The following RERE variants were observed in gnomAD, a reference collection of about 807,000 sequenced individuals.
The protein encoded by RERE is arginine-glutamic acid dipeptide repeats.
RERE carries 40 observed loss-of-function variants against 146.1 expected under a neutral mutation model. That is an observed-to-expected ratio of 0.27 (90% CI 0.21 to 0.36). The LOEUF (loss-of-function observed/expected upper bound fraction) is 0.36, where lower values mean the gene tolerates loss of function less well. Among genes scored for constraint, RERE ranks in the 10% least tolerant of loss-of-function variants. The pLI is 1.00. For synonymous variants in RERE, 1,003 were observed against 866.0 expected, an observed-to-expected ratio of 1.16 and a Z score of -2.78; for missense variants, 1,933 against 2,138.7, an observed-to-expected ratio of 0.90 and a Z score of 1.90.
rs1239778811 is a variant in RERE, at chr1:8,361,180, T to G, written c.2327A>C (p.Gln776Pro). The G allele has an allele frequency of 1.4e-6, 2 of 1,466,530 alleles. No individual in the cohort carries two copies. The highest frequency in any genetic ancestry group is 1.8e-6 in the Non-Finnish European group (2 of 1,115,216). 90.8% of individuals were successfully genotyped at this position (1,466,530 alleles called of 1,614,324 possible). ...GGCCTGGGAGGCCGTGGGGGAGCCCTGTGGGGGAACTGCAGTGGCAGAGGG... is the reference window on the plus strand; with the variant it reads ...GGCCTGGGAGGCCGTGGGGGAGCCCGGTGGGGGAACTGCAGTGGCAGAGGG... ...PTPSATAVPP[Q>P]GSPTASQAPN... The change falls in exon 18 of 23, where the codon CAG becomes CCG. Residue 776 changes from glutamine to proline, a missense_variant. Physicochemically the swap from Gln to Pro is moderately conservative, Grantham distance 76. Transcript: ENST00000400908.
chr1:8,503,318 G>C (rs929389243), intron 8 of RERE, among the ~76,000 whole-genome samples: 1 of 152,104 alleles, frequency 6.6e-6, no homozygotes, highest in Non-Finnish European at 1.5e-5. Flanking sequence ...GGGGAATGTG[G>C]CAAAACCCCC....
intron 11 of RERE, among the ~76,000 whole-genome samples, chr1:8,426,530 C>T (rs1288421999): frequency 6.6e-6 from 1 of 151,994 alleles, no homozygotes; most frequent in Non-Finnish European, 1.5e-5. Context: ...AGACCTTTAT[C>T]TCTCTTTCCT....
intron 8 of RERE, among the ~76,000 whole-genome samples, chr1:8,501,785 A>G (rs1645163125): frequency 1.8e-5 from 2 of 112,630 alleles, no homozygotes. Flanking sequence ...CCGCCTGGCC[A>G]GCCGCCCCGA....
chr1:8,494,343 G>A (rs1043577354), intron 10 of RERE, among the ~76,000 whole-genome samples: 23 of 152,084 alleles, frequency 1.5e-4, no homozygotes, highest in African/African-American at 5.1e-4. Context: ...ACAAAAACAC[G>A]GCTTCTAGAT....
chr1:8,448,856 T>C lies in RERE; in HGVS notation c.1203+17069A>G, dbSNP rs552989909. On this transcript the variant is annotated intron_variant, in intron 11 of 22. Coordinates refer to ENST00000400908, the MANE Select transcript of RERE (RefSeq NM_001042681.2). ...ACAATCAATCAAACAAACAAACAAA[T>C]AAACAAACAAAAAAAAAAAAGGAAG... is the stretch of plus-strand genomic sequence containing the variant. Among the ~76,000 whole-genome samples, 277 of 142,462 alleles carry C rather than the reference T, an allele frequency of 1.9e-3. 1 individual carries two copies. The highest frequency in any genetic ancestry group is 0.01 in the South Asian group (46 of 4,470). 93.5% of individuals were successfully genotyped at this position (142,462 alleles called of 152,430 possible).
intron 1 of RERE, among the ~76,000 whole-genome samples, chr1:8,759,838 TACACACACACAC>T (rs369646175): frequency 4.0e-4 from 57 of 142,318 alleles, no homozygotes; most frequent in African/African-American, 1.2e-3. Flanking sequence ...ACTCTCTCTA[TACACACACACAC>T]ACACACACAC....
At chr1:8,481,842 A>C (rs1416883406) in intron 10 of RERE, among the ~76,000 whole-genome samples, 1 of 152,226 alleles carries the variant, frequency 6.6e-6, no homozygotes, top group Non-Finnish European at 1.5e-5. Flanking sequence ...GAATGTGATG[A>C]GCAGACATTC....
chr1:8,483,745 C>T (rs1644863909), intron 10 of RERE, among the ~76,000 whole-genome samples: 1 of 152,110 alleles, frequency 6.6e-6, no homozygotes, highest in Admixed American at 6.6e-5. Flanking sequence ...ACTATGAAGC[C>T]ACTGGGAGCC....
chr1:8,608,999 C>A (rs1646757286), intron 4 of RERE, among the ~76,000 whole-genome samples: 1 of 152,010 alleles, frequency 6.6e-6, no homozygotes, highest in Admixed American at 6.6e-5. Context: ...CAGGAGATCA[C>A]CTGAGGTCAG....
At chr1:8,765,987 C>T (rs1332007946) in intron 1 of RERE, among the ~76,000 whole-genome samples, 2 of 151,882 alleles carry the variant, frequency 1.3e-5, no homozygotes, top group Non-Finnish European at 2.9e-5. Flanking sequence ...CTGGTGCATG[C>T]CTGTAATCCT....
intron 1 of RERE, among the ~76,000 whole-genome samples, chr1:8,801,741 A>G (rs1341443703): frequency 6.6e-6 from 1 of 152,228 alleles, no homozygotes; most frequent in Non-Finnish European, 1.5e-5. Context: ...TACAGCTTTC[A>G]AAATAAAAAG....
At chr1:8,556,009 T>C (rs1646002749) in intron 6 of RERE, among the ~76,000 whole-genome samples, 1 of 152,166 alleles carries the variant, frequency 6.6e-6, no homozygotes, top group African/African-American at 2.4e-5. Context: ...CACGCTGCCA[T>C]ATCTGCTTCA....
chr1:8,437,180 C>T (rs554026928), intron 11 of RERE, among the ~76,000 whole-genome samples: 1 of 152,294 alleles, frequency 6.6e-6, no homozygotes, highest in African/African-American at 2.4e-5. Context: ...CTGAAGACCT[C>T]GACCAGCACC....
At chr1:8,621,013 G>A (rs963069263) in intron 3 of RERE, among the ~76,000 whole-genome samples, 1 of 151,898 alleles carries the variant, frequency 6.6e-6, no homozygotes, top group African/African-American at 2.4e-5. Context: ...TGGAAGTGTG[G>A]GCTCGAAATA....
intron 5 of RERE, among the ~76,000 whole-genome samples, chr1:8,556,948 C>G (rs780396743): frequency 6.6e-6 from 1 of 151,514 alleles, no homozygotes; most frequent in Non-Finnish European, 1.5e-5. Context: ...ATGGAGTGAA[C>G]TTACACAGTT....
rs754057677 is a variant in RERE at position 8,355,532 on chromosome 1, C to T, written c.4554G>A (p.Gln1518=). 26 of 1,608,360 alleles carry T rather than the reference C, an allele frequency of 1.6e-5. No homozygotes were observed. Among genetic ancestry groups the T allele is most frequent in the Non-Finnish European group, 2.0e-5 (24 of 1,177,102 alleles). The part of the protein sequence containing the change: ...PPPMSAAHQL[Q]AMHAQSAELQ... ...GCTCGGCCGACTGGGCATGCATGGCCTGCAGCTGGTGGGCTGCTGACATGG... is the reference window on the plus strand; with the variant it reads ...GCTCGGCCGACTGGGCATGCATGGCTTGCAGCTGGTGGGCTGCTGACATGG... Residue 1518 remains glutamine, a synonymous_variant, in exon 22 of 23, where the codon CAG becomes CAA. Coordinates refer to ENST00000400908, the MANE Select transcript of RERE (RefSeq NM_001042681.2).
At chr1:8,803,242 C>T (rs1320332185) in intron 1 of RERE, among the ~76,000 whole-genome samples, 1 of 151,958 alleles carries the variant, frequency 6.6e-6, no homozygotes, top group Admixed American at 6.6e-5. Flanking sequence ...CTCTGAGAGG[C>T]CGAGGCGGGA....
chr1:8,759,698 C>T (rs1488466431), intron 1 of RERE, among the ~76,000 whole-genome samples: 5 of 152,122 alleles, frequency 3.3e-5, no homozygotes, highest in African/African-American at 1.2e-4. Context: ...ACACCCACTA[C>T]GCTCAATTGC....
At chr1:8,693,148 T>C (rs1398759585) in intron 1 of RERE, among the ~76,000 whole-genome samples, 1 of 152,178 alleles carries the variant, frequency 6.6e-6, no homozygotes, top group Non-Finnish European at 1.5e-5. Context: ...CTTGTGGGAA[T>C]GCAAAATGCT....
Sources: gnomAD v4.1 joint callset for allele counts (sites outside exome capture counted in the v4.1 genomes callset) on GRCh38, gnomAD v4.1.1 for gene constraint, MANE v1.5 for transcripts, NCBI Gene and HGNC (gene_info 2026-07-23, HGNC 2026-07-21) for gene names.